The following TNS1 variants were observed in gnomAD, a reference collection of about 807,000 sequenced individuals.
TNS1 encodes tensin 1.
TNS1 carries 62 observed loss-of-function variants against 168.6 expected under a neutral mutation model. The observed-to-expected ratio is 0.37, with a 90% confidence interval of 0.30 to 0.45. The LOEUF is 0.45. Ranked by LOEUF, TNS1 falls within the 20% of genes least tolerant of loss-of-function variation. The pLI is 1.00. For missense variants in TNS1, 2,240 were observed against 2,339.4 expected (o/e 0.96, Z 0.88); for synonymous variants, 934 against 933.2 (o/e 1.00, Z -0.02).
intron 1 of TNS1, among the ~76,000 whole-genome samples, chr2:218,031,194 GTA>G (rs1276668179): frequency 2.0e-5 from 3 of 148,766 alleles, no homozygotes; most frequent in East Asian, 2.0e-4. Flanking sequence ...GAATGTGTCT[GTA>G]TGTGTGTGAG....
At position 217,948,546 on chromosome 2, in the gene TNS1, C is replaced by T. The variant is rs182045412; in HGVS notation, c.187-28310G>A. Among the ~76,000 whole-genome samples, 31 of 152,264 alleles carry T rather than the reference C, an allele frequency of 2.0e-4. No homozygotes were observed. In the East Asian group the frequency reaches 3.3e-3, roughly 16 times the overall value. On this transcript the variant is annotated intron_variant, in intron 3 of 32. Coordinates refer to ENST00000682258, the MANE Select transcript of TNS1 (RefSeq NM_001387777.1). The surrounding 1 kb of genome is among the most constrained non-coding windows in gnomAD (Gnocchi z 4.1). ...GTACCTTCCCTCTTCTGACCATGCC[C>T]TCCCCGCTACAGCTAGAGATGAGTT...
At position 217,836,034 on chromosome 2, in the gene TNS1, G is replaced by T. The variant is rs956761528; in HGVS notation, c.3185C>A (p.Pro1062His). Reference protein sequence around the residue: ...PELALTIALNPGGRPKEPHLH... With the variant: ...PELALTIALNHGGRPKEPHLH... ...ACTCACCTCTTTGGGCCGCCCTCCA[G>T]GATTGAGAGCGATGGTAAGAGCCAG... The change falls in exon 20 of 33, where the codon CCT becomes CAT. Residue 1062 changes from proline to histidine, a missense_variant. By Grantham distance (77) the Pro-to-His change is moderately conservative. This residue lies in a region of TNS1 where 2,131 missense variants were observed against 2,171.2 expected (regional missense o/e 0.98). Coordinates refer to ENST00000682258, the MANE Select transcript of TNS1 (RefSeq NM_001387777.1). The T allele has an allele frequency of 3.7e-6, 6 of 1,613,802 alleles. No individual in the cohort carries two copies. Among genetic ancestry groups the T allele is most frequent in the Admixed American group, 3.3e-5 (2 of 60,008 alleles).
At chr2:217,906,670 T>C (rs576294866) in intron 5 of TNS1, among the ~76,000 whole-genome samples, 1 of 152,224 alleles carries the variant, frequency 6.6e-6, no homozygotes, top group South Asian at 2.1e-4. Context: ...CACAGTCACA[T>C]AATTAGAACC....
chr2:217,892,943 C>CT lies in TNS1; in HGVS notation c.782+4dup, dbSNP rs1951887564. 1.9e-6 allele frequency: 3 copies of CT among 1,614,020 alleles called. No homozygotes were observed. Among genetic ancestry groups the CT allele is most frequent in the Non-Finnish European group, 2.5e-6 (3 of 1,180,002 alleles). ...AGAGGATGGGAGGCTCCAGGCCCCT[C>CT]TTACCTGGCAGAAATGTTGCTGTAG... On this transcript the variant is annotated splice_donor_region_variant and intron_variant, in intron 11 of 32. Coordinates refer to ENST00000682258, the MANE Select transcript of TNS1 (RefSeq NM_001387777.1).
intron 3 of TNS1, among the ~76,000 whole-genome samples, chr2:217,943,559 G>A (rs1425350327): frequency 2.6e-5 from 4 of 152,242 alleles, no homozygotes; most frequent in Admixed American, 6.5e-5. Context: ...CCCAGCAAAC[G>A]AAACTCCTTC....
chr2:217,877,175 CCA>C (rs2125625247), intron 18 of TNS1, among the ~76,000 whole-genome samples: 1 of 152,268 alleles, frequency 6.6e-6, no homozygotes, highest in South Asian at 2.1e-4. Flanking sequence ...TCCACCACAG[CCA>C]CACTTTGCTA....
chr2:217,859,485 G>A (rs2125526519), intron 18 of TNS1: 2 of 652,908 alleles, frequency 3.1e-6, no homozygotes, highest in East Asian at 5.5e-5. Flanking sequence ...GACCTGAATA[G>A]AAGGACTGGG....
intron 32 of TNS1, among the ~76,000 whole-genome samples, chr2:217,804,848 G>C (rs1938149106): frequency 1.3e-5 from 2 of 152,154 alleles, no homozygotes; most frequent in Non-Finnish European, 1.5e-5. Flanking sequence ...CCCTTTGAAG[G>C]GGTGCGAGGG....
At chr2:217,850,274 C>A (rs534200608) in intron 18 of TNS1, 178 of 985,362 alleles carry the variant, frequency 1.8e-4, no homozygotes, top group Non-Finnish European at 2.1e-4. Context: ...AGGGGACACG[C>A]TTTTCCTATG....
rs770114417 is a variant in TNS1 at position 217,893,388 on chromosome 2, A to ATG, written c.717+49_717+50dup. 7.8e-5 allele frequency: 116 copies of ATG among 1,495,306 alleles called. No homozygotes were observed. In the East Asian group the frequency reaches 2.1e-3, roughly 27 times the overall value. 92.6% of individuals were successfully genotyped at this position (1,495,306 alleles called of 1,614,324 possible). On this transcript the variant is annotated intron_variant, in intron 10 of 32. Coordinates refer to ENST00000682258, the MANE Select transcript of TNS1 (RefSeq NM_001387777.1). The stretch of plus-strand genomic sequence containing the variant: ...CATTCAGGCACACACACATGTGCGC[A>ATG]TGTGCGCGCGCGCACACACACACAC...
intron 4 of TNS1, among the ~76,000 whole-genome samples, chr2:217,913,194 C>T (rs1954627845): frequency 6.6e-6 from 1 of 152,152 alleles, no homozygotes; most frequent in Admixed American, 6.5e-5. Context: ...CCAGGGGCCA[C>T]ATCCCCTCCC....
chr2:217,873,748 G>A (rs944138166), intron 18 of TNS1, among the ~76,000 whole-genome samples: 24 of 152,256 alleles, frequency 1.6e-4, no homozygotes, highest in South Asian at 6.2e-4. Context: ...TGGGCAGTTG[G>A]ACAGGGTCTC....
chr2:217,979,723 G>C (rs1368187385), intron 2 of TNS1, among the ~76,000 whole-genome samples: 1 of 152,134 alleles, frequency 6.6e-6, no homozygotes, highest in African/African-American at 2.4e-5. Context: ...GGTCTCCCGA[G>C]TTGGGTTTTG....
intron 19 of TNS1, chr2:217,842,010 A>G (rs1294881029): frequency 8.6e-6 from 6 of 698,508 alleles, no homozygotes; most frequent in Non-Finnish European, 1.6e-5. Context: ...GGAGTGGCCA[A>G]CATTGCCCCT....
chr2:217,837,719 T>C (rs906023916), intron 19 of TNS1, among the ~76,000 whole-genome samples: 11 of 152,252 alleles, frequency 7.2e-5, no homozygotes, highest in South Asian at 2.1e-4. Context: ...GACCTCACTC[T>C]GCCACTTACA....
At position 217,835,157 on chromosome 2, in the gene TNS1, G is replaced by T. The variant is rs772869891; in HGVS notation, c.3214C>A (p.His1072Asn). 3 of 1,600,096 alleles carry T rather than the reference G, an allele frequency of 1.9e-6. No homozygotes were observed. ...TCCTCGAAGGCCTCCTTGTAGCTGT[G>T]CAAATGGGGCTGTGGGAGAACACAG... ...PGGRPKEPHL[H>N]SYKEAFEEME... Residue 1072 changes from histidine (H) to asparagine (N), a missense_variant, in exon 21 of 33, where the codon CAC becomes AAC. His to Asn is a moderately conservative substitution (Grantham distance 68). Coordinates refer to ENST00000682258, the MANE Select transcript of TNS1 (RefSeq NM_001387777.1).
rs763734847 is a variant in TNS1 at position 217,849,001 on chromosome 2, C to T, written c.1516G>A (p.Ala506Thr). The change falls in exon 19 of 33, where the codon GCT (alanine) becomes ACT (threonine). Residue 506 changes from alanine to threonine, a missense_variant. Physicochemically the swap from Ala to Thr is moderately conservative, Grantham distance 58 (BLOSUM62 0). Transcript: ENST00000682258. ...KKDSLHGSTGAVNATRPTLSA... is the reference protein window; with the variant it reads ...KKDSLHGSTGTVNATRPTLSA... Reference sequence around the variant, plus strand: ...AGTGTAGGACGTGTGGCATTAACAGCCCCGGTGCTGCCGTGCAGGGAGTCT... The same window carrying T: ...AGTGTAGGACGTGTGGCATTAACAGTCCCGGTGCTGCCGTGCAGGGAGTCT... 9 of 1,613,916 alleles carry T rather than the reference C, an allele frequency of 5.6e-6. No homozygotes were observed. Among genetic ancestry groups the T allele is most frequent in the Admixed American group, 1.7e-5 (1 of 59,964 alleles).
chr2:217,830,663 C>T (rs558021508), intron 22 of TNS1, among the ~76,000 whole-genome samples: 2 of 152,336 alleles, frequency 1.3e-5, no homozygotes, highest in African/African-American at 4.8e-5. Flanking sequence ...CTGTTTGACC[C>T]CAGGGAGGCC....
In TNS1 at chr2:217,850,201, C is replaced by T. The variant is rs910749182; in HGVS notation, c.1430-1114G>A. 3 of 985,266 alleles carry T rather than the reference C, an allele frequency of 3.0e-6. No individual in the cohort carries two copies. In the African/African-American group the frequency reaches 5.2e-5, roughly 17 times the overall value. The allele number at this position is 985,266 out of a possible 1,614,324, so 61.0% of individuals were successfully genotyped here. A position where few individuals can be genotyped will look rare whatever the true frequency, so the allele number is the denominator to read the frequency against. On this transcript the variant is annotated intron_variant, in intron 18 of 32. Coordinates refer to ENST00000682258, the MANE Select transcript of TNS1 (RefSeq NM_001387777.1). Reference sequence around the variant, plus strand: ...TCCTGATCCCACTGCTCTGAGCCAGCCCGGGGGCCCCTGAAGAACAGGCCA... The same window carrying T: ...TCCTGATCCCACTGCTCTGAGCCAGTCCGGGGGCCCCTGAAGAACAGGCCA...
Sources: gnomAD v4.1 joint callset for allele counts (sites outside exome capture counted in the v4.1 genomes callset) on GRCh38, gnomAD v4.1.1 for gene constraint, gnomAD v4.1.1 regional missense constraint, Gnocchi (gnomAD v3.1) non-coding constraint, MANE v1.5 for transcripts, NCBI Gene and HGNC (gene_info 2026-07-23, HGNC 2026-07-21) for gene names.